Variants in STOX2 observed in about 807,000 individuals in gnomAD.
STOX2 encodes the protein storkhead-box protein 2.
A neutral mutation model predicts 60.9 loss-of-function variants in STOX2; 28 were observed. The ratio of observed to expected loss-of-function variants is 0.46; its 90% confidence interval spans 0.34 to 0.63. The LOEUF (loss-of-function observed/expected upper bound fraction) is 0.63, where lower values mean the gene tolerates loss of function less well. Among genes scored for constraint, STOX2 ranks in the 30% least tolerant of loss-of-function variants. The pLI is 0.01. For missense variants in STOX2, 1,024 were observed against 1,187.7 expected (o/e 0.86, Z 2.03); for synonymous variants, 472 against 463.9 (o/e 1.02, Z -0.22).
chr4:183,950,810 G>A (rs1381180066), intron 1 of STOX2, among the ~76,000 whole-genome samples: 3 of 152,158 alleles, frequency 2.0e-5, no homozygotes, highest in Non-Finnish European at 4.4e-5. Flanking sequence ...TTGTGGGAAC[G>A]CAGGCTGGTA....
chr4:183,874,923 C>CAAAAAAAA (rs869044658), intron 1 of STOX2, among the ~76,000 whole-genome samples: 2 of 20,630 alleles, frequency 9.7e-5, no homozygotes, highest in African/African-American at 2.3e-4. Context: ...GACTCCGCCT[C>CAAAAAAAA]AAAAAAAAAA....
At chr4:183,851,588 GGAAAGGATGAGGGAAAGGATGAGA>G (rs1560845906) in intron 1 of STOX2, among the ~76,000 whole-genome samples, 9 of 88,938 alleles carry the variant, frequency 1.0e-4, no homozygotes, top group Non-Finnish European at 9.1e-5. Flanking sequence ...AAAGGATGAG[GGAAAGGATGAGGGAAAGGATGAGA>G]GAAAGGATGA....
intron 1 of STOX2, among the ~76,000 whole-genome samples, chr4:183,854,293 C>T (rs1159489288): frequency 6.6e-6 from 1 of 152,202 alleles, no homozygotes; most frequent in African/African-American, 2.4e-5. Context: ...CATTAAATAT[C>T]AGTAGAAGAA....
intron 1 of STOX2, among the ~76,000 whole-genome samples, chr4:183,979,210 G>A (rs939168266): frequency 1.7e-4 from 26 of 152,170 alleles, no homozygotes; most frequent in African/African-American, 5.8e-4. Context: ...GGCCAGAGCA[G>A]GAGAAACAAA....
intron 1 of STOX2, among the ~76,000 whole-genome samples, chr4:183,857,188 T>C (rs1316421426): frequency 6.6e-6 from 1 of 152,040 alleles, no homozygotes; most frequent in African/African-American, 2.4e-5. Context: ...CCCACAGGAC[T>C]GGTCATCCTG....
chr4:183,978,828 T>C (rs914650000), intron 1 of STOX2, among the ~76,000 whole-genome samples: 2 of 152,150 alleles, frequency 1.3e-5, no homozygotes, highest in Non-Finnish European at 1.5e-5. Flanking sequence ...ATGAAGCAGT[T>C]CTTTGGGGTG....
chr4:183,924,898 C>T (rs1247268534), intron 1 of STOX2, among the ~76,000 whole-genome samples: 2 of 152,142 alleles, frequency 1.3e-5, no homozygotes, highest in African/African-American at 2.4e-5. Context: ...ATGCGTAGAC[C>T]TCCCTTAGAG....
chr4:184,011,693 T>C lies in STOX2; in HGVS notation c.2585+270T>C. ...GTCTGATCTAACTAAAACCAATATT[T>C]CCAGTATTTTTTCTGCTACGTTCAT... On this transcript the variant is annotated intron_variant, in intron 3 of 3. Transcript: ENST00000308497. This position sits in a 1 kb window ranked among gnomAD's most constrained non-coding sequence, Gnocchi z 4.4. 1.5e-5 allele frequency: 19 copies of C among 1,305,950 alleles called. No individual in the cohort carries two copies. Among genetic ancestry groups the C allele is most frequent in the Non-Finnish European group, 1.8e-5 (18 of 998,838 alleles). The allele number at this position is 1,305,950 out of a possible 1,614,324, so 80.9% of individuals were successfully genotyped here.
intron 1 of STOX2, among the ~76,000 whole-genome samples, chr4:183,835,361 C>T (rs1428860130): frequency 1.3e-5 from 2 of 151,558 alleles, no homozygotes; most frequent in Non-Finnish European, 1.5e-5. Flanking sequence ...GTAGCTGGGA[C>T]TACAGGCGCC....
At chr4:184,012,119 A>G (rs1414550563) in intron 3 of STOX2, among the ~76,000 whole-genome samples, 2 of 152,232 alleles carry the variant, frequency 1.3e-5, no homozygotes, top group Non-Finnish European at 2.9e-5. Flanking sequence ...CCTTCTTGTT[A>G]ATAGGTGTTA....
chr4:183,897,718 A>G (rs1429861754), intron 1 of STOX2, among the ~76,000 whole-genome samples: 2 of 152,250 alleles, frequency 1.3e-5, no homozygotes, highest in East Asian at 3.8e-4. Flanking sequence ...CAGCATATGC[A>G]GAATAAAAAC....
At position 183,825,424 on chromosome 4, in the gene STOX2, G is replaced by GGT. The variant is rs1455635556; in HGVS notation, c.364+27370_364+27371dup. Among the ~76,000 whole-genome samples, 1 of 152,090 alleles carries GGT rather than the reference G, an allele frequency of 6.6e-6. No individual in the cohort carries two copies. Among genetic ancestry groups the GGT allele is most frequent in the Non-Finnish European group, 1.5e-5 (1 of 68,028 alleles). On this transcript the variant is annotated intron_variant, in intron 1 of 2. Transcript: ENST00000513034. The surrounding 1 kb of genome is among the most constrained non-coding windows in gnomAD (Gnocchi z 4.1). Reference sequence around the variant, plus strand: ...TGTGGCGCGTGCTGCAGATGGCAGCGGTCAGCTCGTGTCATCTCCTAGCAT... The same window carrying GGT: ...TGTGGCGCGTGCTGCAGATGGCAGCGGTGTCAGCTCGTGTCATCTCCTAGCAT...
intron 1 of STOX2, among the ~76,000 whole-genome samples, chr4:183,951,908 C>T (rs1743109098): frequency 6.6e-6 from 1 of 152,100 alleles, no homozygotes; most frequent in African/African-American, 2.4e-5. Context: ...AGCACCACTG[C>T]ACTCTGGCCT....
At chr4:183,892,352 C>T (rs1431316984) in intron 1 of STOX2, among the ~76,000 whole-genome samples, 1 of 152,200 alleles carries the variant, frequency 6.6e-6, no homozygotes, top group African/African-American at 2.4e-5. Flanking sequence ...GATCTCGGCT[C>T]ACTGCAAGCT....
chr4:183,798,759 C>T, intron 1 of STOX2: 1 of 985,390 alleles, frequency 1.0e-6, no homozygotes, highest in Non-Finnish European at 1.2e-6. Flanking sequence ...GCAGAGTCGC[C>T]CAGAGGTGAA....
chr4:183,882,237 T>C (rs1284138028), intron 1 of STOX2, among the ~76,000 whole-genome samples: 1 of 152,244 alleles, frequency 6.6e-6, no homozygotes, highest in East Asian at 1.9e-4. Flanking sequence ...TGCCATTCCC[T>C]TGATCCCAGT....
chr4:183,804,101 CGACT>C (rs1738829791), intron 1 of STOX2, among the ~76,000 whole-genome samples: 1 of 152,008 alleles, frequency 6.6e-6, no homozygotes, highest in Admixed American at 6.6e-5. Context: ...TATTGATCAC[CGACT>C]ATTTTCTAAA....
At chr4:183,907,219 A>G (rs1031754873) in intron 1 of STOX2, among the ~76,000 whole-genome samples, 3 of 152,140 alleles carry the variant, frequency 2.0e-5, no homozygotes, top group African/African-American at 7.2e-5. Context: ...AGGGAGATAA[A>G]TGACTGCAAG....
chr4:183,871,798 A>G (rs1740699511), intron 1 of STOX2, among the ~76,000 whole-genome samples: 1 of 152,036 alleles, frequency 6.6e-6, no homozygotes, highest in Non-Finnish European at 1.5e-5. Context: ...CGTTTGGAAA[A>G]TTTCTCTGAC....
Sources: allele counts gnomAD v4.1 joint callset (sites outside exome capture counted in the v4.1 genomes callset), GRCh38; gene constraint gnomAD v4.1.1; non-coding constraint Gnocchi (gnomAD v3.1); transcripts MANE v1.5; gene names NCBI Gene and HGNC (gene_info 2026-07-23, HGNC 2026-07-21).